Variants in CYRIA observed in about 807,000 individuals in gnomAD.
CYRIA encodes CYFIP-related Rac1 interactor A.
A neutral mutation model predicts 43.9 loss-of-function variants in CYRIA; 15 were observed. The ratio of observed to expected loss-of-function variants is 0.34; its 90% CI spans 0.23 to 0.53. The LOEUF (loss-of-function observed/expected upper bound fraction) is 0.53. CYRIA is among the 20% of genes least tolerant of loss of function. The pLI is 0.94. For synonymous variants in CYRIA, 117 were observed against 136.0 expected (o/e 0.86, Z 0.97); for missense variants, 236 against 394.2 (o/e 0.60, Z 3.40).
At chr2:16,629,296 T>TC (rs1351608798) in intron 1 of CYRIA, among the ~76,000 whole-genome samples, 7 of 152,032 alleles carry the variant, frequency 4.6e-5, no homozygotes, top group Non-Finnish European at 7.4e-5. Flanking sequence ...TCCTCCCTTT[T>TC]CCCCTGACTG....
intron 1 of CYRIA, among the ~76,000 whole-genome samples, chr2:16,639,797 G>C (rs1572196939): frequency 6.6e-6 from 1 of 152,278 alleles, no homozygotes; most frequent in African/African-American, 2.4e-5. Flanking sequence ...TAGCCTTAAA[G>C]CTTGCCCTAC....
Position 16,610,917 on chromosome 2 carries a change from TA to T in CYRIA, c.-11+12946del, listed in dbSNP as rs1668573242. Among the ~76,000 whole-genome samples the T allele has an allele frequency of 1.1e-4, 7 of 65,754 alleles. 1 individual carries two copies. The highest frequency in any genetic ancestry group is 8.2e-4 in the Admixed American group (5 of 6,106). The allele number at this position is 65,754 out of a possible 152,430, so 43.1% of individuals were successfully genotyped here. ...CCCAACATATATATATATATATATA[TA>T]TATATATATATATATATATCCTGTA... On this transcript the variant is annotated intron_variant, in intron 2 of 11. Transcript: ENST00000381323.
intron 1 of CYRIA, among the ~76,000 whole-genome samples, chr2:16,656,702 T>A (rs1399711213): frequency 1.3e-5 from 2 of 152,294 alleles, no homozygotes; most frequent in Non-Finnish European, 1.5e-5. Context: ...TTATGATGCA[T>A]TAATAATAAA....
chr2:16,631,122 C>A (rs990641417), intron 1 of CYRIA, among the ~76,000 whole-genome samples: 1 of 152,224 alleles, frequency 6.6e-6, no homozygotes, highest in Non-Finnish European at 1.5e-5. Flanking sequence ...AAATGCAGAT[C>A]ATATGGAGAT....
intron 2 of CYRIA, among the ~76,000 whole-genome samples, chr2:16,616,484 C>T (rs191899497): frequency 6.6e-6 from 1 of 152,184 alleles, no homozygotes; most frequent in Non-Finnish European, 1.5e-5. Flanking sequence ...TGAGAGGACT[C>T]CTCGCTCAGA....
chr2:16,628,388 C>T (rs1669228283), intron 1 of CYRIA, among the ~76,000 whole-genome samples: 1 of 152,184 alleles, frequency 6.6e-6, no homozygotes, highest in Non-Finnish European at 1.5e-5. Flanking sequence ...CCTGATCTCA[C>T]CTCAAAGCCG....
intron 3 of CYRIA, among the ~76,000 whole-genome samples, chr2:16,572,546 A>G (rs370791953): frequency 6.6e-6 from 1 of 152,306 alleles, no homozygotes; most frequent in Admixed American, 6.5e-5. Flanking sequence ...GAAGAAACCA[A>G]TAGTGGCAGG....
chr2:16,640,963 C>A (rs1166625649), intron 1 of CYRIA, among the ~76,000 whole-genome samples: 2 of 152,016 alleles, frequency 1.3e-5, no homozygotes, highest in Non-Finnish European at 2.9e-5. Flanking sequence ...AAAAGGCTGA[C>A]GAGTTTCTCA....
At chr2:16,604,767 G>A (rs73918606) in intron 2 of CYRIA, among the ~76,000 whole-genome samples, 1 of 151,984 alleles carries the variant, frequency 6.6e-6, no homozygotes, top group Non-Finnish European at 1.5e-5. Flanking sequence ...TTTAGATGGC[G>A]GGGCTGGGCT....
intron 2 of CYRIA, among the ~76,000 whole-genome samples, chr2:16,605,001 A>G (rs916426758): frequency 6.6e-6 from 1 of 152,244 alleles, no homozygotes; most frequent in African/African-American, 2.4e-5. Flanking sequence ...AATGGCACTC[A>G]AATGAGAAAA....
intron 1 of CYRIA, among the ~76,000 whole-genome samples, chr2:16,651,504 C>T (rs1669976111): frequency 6.6e-6 from 1 of 152,202 alleles, no homozygotes; most frequent in African/African-American, 2.4e-5. Context: ...GATCTGTGAA[C>T]AGACTCTATC....
At chr2:16,569,137 A>G (rs978628534) in intron 3 of CYRIA, among the ~76,000 whole-genome samples, 6 of 152,190 alleles carry the variant, frequency 3.9e-5, no homozygotes, top group African/African-American at 1.4e-4. Context: ...ACTGACATTT[A>G]TATGACCACA....
At chr2:16,564,197 T>C (rs1572459848) in intron 4 of CYRIA, 103 bp from the exon 5 acceptor site, 1 of 833,580 alleles carries the variant, frequency 1.2e-6, no homozygotes, top group African/African-American at 1.7e-5. Context: ...TATACTTTGC[T>C]GATGTATACT....
Position 16,639,189 on chromosome 2 carries a change from C to T in CYRIA, c.-166-15170G>A, listed in dbSNP as rs150227956. ...CTCTGGTAATCGCTCGTCCTCGTCT[C>T]CCATGTTCTGGGCTAACTTTCTGAT... On this transcript the variant is annotated intron_variant, in intron 1 of 11. Coordinates refer to ENST00000381323, the MANE Select transcript of CYRIA (RefSeq NM_030797.4). 5.1e-3 allele frequency among the ~76,000 whole-genome samples: 776 copies of T among 152,324 alleles called. 7 individuals are homozygous for T. Among genetic ancestry groups the T allele is most frequent in the Non-Finnish European group, 8.3e-3 (563 of 68,038 alleles).
At chr2:16,660,349 C>T (rs1409423325) in intron 1 of CYRIA, among the ~76,000 whole-genome samples, 2 of 152,210 alleles carry the variant, frequency 1.3e-5, no homozygotes, top group Non-Finnish European at 2.9e-5. Context: ...GTTTCTGTTT[C>T]GTGCTCCCTC....
chr2:16,628,615 G>C lies in CYRIA; in HGVS notation c.-166-4596C>G, dbSNP rs543808537. 5.4e-4 allele frequency among the ~76,000 whole-genome samples: 83 copies of C among 152,368 alleles called. 1 individual carries two copies. The highest frequency in any genetic ancestry group is 3.4e-4 in the African/African-American group (14 of 41,594). On this transcript the variant is annotated intron_variant, in intron 1 of 11. Coordinates refer to ENST00000381323, the MANE Select transcript of CYRIA (RefSeq NM_030797.4). ...TTATCATCCAAACGAGGATACCTCT[G>C]AGAGTGAAAGGGGGCCCTTTTAATA...
chr2:16,576,207 C>T (rs1294811028), intron 3 of CYRIA, among the ~76,000 whole-genome samples: 1 of 152,146 alleles, frequency 6.6e-6, no homozygotes, highest in Non-Finnish European at 1.5e-5. Context: ...AGGACAGGAT[C>T]ATTAGATTCA....
chr2:16,568,573 A>C (rs1322597507), intron 3 of CYRIA, among the ~76,000 whole-genome samples: 1 of 152,150 alleles, frequency 6.6e-6, no homozygotes, highest in Non-Finnish European at 1.5e-5. Context: ...AGGGAAGAAA[A>C]CATAAGAAAA....
At chr2:16,599,311 G>T (rs201994574) in intron 2 of CYRIA, among the ~76,000 whole-genome samples, 1 of 2,584 alleles carries the variant, frequency 3.9e-4, no homozygotes, top group East Asian at 3.7e-3. Context: ...CTGGGCAATG[G>T]CGGGCGCCCC....
Sources: allele counts gnomAD v4.1 joint callset (sites outside exome capture counted in the v4.1 genomes callset), GRCh38; gene constraint gnomAD v4.1.1; transcripts MANE v1.5; gene names NCBI Gene and HGNC (gene_info 2026-07-23, HGNC 2026-07-21).